CACNA2D3: variants seen among roughly 807,000 people sequenced by gnomAD.
The protein encoded by CACNA2D3 is calcium voltage-gated channel auxiliary subunit alpha2delta 3, also known as voltage-dependent calcium channel subunit alpha-2/delta-3.
Under a neutral mutation model 160.6 loss-of-function variants are expected in CACNA2D3, and 60 were observed. The ratio of observed to expected loss-of-function variants is 0.37; its 90% CI spans 0.30 to 0.46. The LOEUF is 0.46. CACNA2D3 is among the 20% of genes least tolerant of loss of function. The pLI is 1.00. For synonymous variants in CACNA2D3, 558 were observed against 492.9 expected, an observed-to-expected ratio of 1.13 and a Z score of -1.75; for missense variants, 1,205 against 1,365.0, an observed-to-expected ratio of 0.88 and a Z score of 1.85.
At chr3:54,726,520 G>A (rs1701279924) in intron 11 of CACNA2D3, among the ~76,000 whole-genome samples, 1 of 152,144 alleles carries the variant, frequency 6.6e-6, no homozygotes, top group Non-Finnish European at 1.5e-5. Context: ...TATACTACAA[G>A]ACTACAGTAA....
intron 2 of CACNA2D3, among the ~76,000 whole-genome samples, chr3:54,306,292 A>G (rs1703599054): frequency 6.6e-6 from 1 of 152,044 alleles, no homozygotes; most frequent in South Asian, 2.1e-4. Context: ...AGGAGAAAAA[A>G]ATATTGGTAG....
intron 35 of CACNA2D3, among the ~76,000 whole-genome samples, chr3:55,027,540 A>C (rs1559467707): frequency 6.6e-6 from 1 of 152,216 alleles, no homozygotes; most frequent in East Asian, 1.9e-4. Context: ...TTTACATCTA[A>C]TTCGCATACA....
intron 35 of CACNA2D3, among the ~76,000 whole-genome samples, chr3:55,052,354 T>C (rs1402288854): frequency 6.6e-6 from 1 of 152,002 alleles, no homozygotes; most frequent in Non-Finnish European, 1.5e-5. Flanking sequence ...ATCCAAAACA[T>C]GATCTAACTT....
intron 2 of CACNA2D3, among the ~76,000 whole-genome samples, chr3:54,269,487 C>T (rs1227653138): frequency 1.3e-5 from 2 of 152,094 alleles, no homozygotes; most frequent in Non-Finnish European, 2.9e-5. Flanking sequence ...GGATGCAAAG[C>T]TAAACATTGT....
intron 9 of CACNA2D3, among the ~76,000 whole-genome samples, chr3:54,619,321 A>C (rs1427144613): frequency 1.3e-5 from 2 of 152,210 alleles, no homozygotes; most frequent in African/African-American, 2.4e-5. Flanking sequence ...TGCACTGCTT[A>C]GGTGGAGGGG....
At chr3:54,664,756 C>T (rs897243243) in intron 11 of CACNA2D3, among the ~76,000 whole-genome samples, 1 of 152,162 alleles carries the variant, frequency 6.6e-6, no homozygotes, top group African/African-American at 2.4e-5. Context: ...AGCAGGGGGA[C>T]TCAGAGGCTG....
chr3:54,895,076 A>G (rs1700157449), intron 25 of CACNA2D3, among the ~76,000 whole-genome samples: 1 of 152,154 alleles, frequency 6.6e-6, no homozygotes, highest in Non-Finnish European at 1.5e-5. Context: ...CAGCTATGCT[A>G]TGTCAGACCG....
intron 9 of CACNA2D3, among the ~76,000 whole-genome samples, chr3:54,597,558 A>G (rs1425090592): frequency 6.6e-6 from 1 of 152,178 alleles, no homozygotes. Context: ...GGATAAGGAA[A>G]TACTAGATTT....
intron 13 of CACNA2D3, among the ~76,000 whole-genome samples, chr3:54,807,418 A>G (rs1205250802): frequency 2.6e-5 from 4 of 152,258 alleles, no homozygotes; most frequent in Admixed American, 6.5e-5. Flanking sequence ...ACTTCTCAAA[A>G]GAAGGCATTT....
At chr3:54,342,069 A>C (rs1230262445) in intron 3 of CACNA2D3, among the ~76,000 whole-genome samples, 1 of 152,210 alleles carries the variant, frequency 6.6e-6, no homozygotes, top group East Asian at 1.9e-4. Flanking sequence ...TTGCCAAAGA[A>C]TACACAGTTG....
At chr3:54,211,597 G>A (rs911807519) in intron 2 of CACNA2D3, among the ~76,000 whole-genome samples, 1 of 152,078 alleles carries the variant, frequency 6.6e-6, no homozygotes, top group Non-Finnish European at 1.5e-5. Flanking sequence ...TCCTTACTAC[G>A]TGTATTCTTT....
At chr3:54,149,910 TCTCTCTCTCTCTCTCTCTCTCCCTCC>T (rs1559863278) in intron 2 of CACNA2D3, among the ~76,000 whole-genome samples, 5 of 92,506 alleles carry the variant, frequency 5.4e-5, no homozygotes, top group South Asian at 5.0e-4. Flanking sequence ...TCTCTCTCTC[TCTCTCTCTCTCTCTCTCTCTCCCTCC>T]CTCCCTCCCT....
chr3:54,924,212 G>A (rs1700942614), intron 27 of CACNA2D3, among the ~76,000 whole-genome samples: 1 of 152,196 alleles, frequency 6.6e-6, no homozygotes, highest in African/African-American at 2.4e-5. Flanking sequence ...GGTAGAAGCA[G>A]ACAAAGAGAG....
chr3:54,986,174 G>A (rs1241731237), intron 30 of CACNA2D3, among the ~76,000 whole-genome samples: 2 of 152,180 alleles, frequency 1.3e-5, no homozygotes, highest in Admixed American at 1.3e-4. Context: ...GAAGGGTGCA[G>A]TGGATGTCTT....
intron 2 of CACNA2D3, among the ~76,000 whole-genome samples, chr3:54,301,724 G>GCA (rs1481353658): frequency 6.6e-6 from 1 of 152,062 alleles, no homozygotes; most frequent in Non-Finnish European, 1.5e-5. Context: ...AGGCACATGT[G>GCA]CACACATGGG....
intron 3 of CACNA2D3, among the ~76,000 whole-genome samples, chr3:54,341,848 G>A (rs1390234738): frequency 6.6e-6 from 1 of 152,080 alleles, no homozygotes; most frequent in Admixed American, 6.6e-5. Context: ...TGCATGCTGA[G>A]TACTTAGCAT....
At chr3:54,650,222 G>A (rs1437025476) in intron 11 of CACNA2D3, among the ~76,000 whole-genome samples, 3 of 40,440 alleles carry the variant, frequency 7.4e-5, no homozygotes, top group African/African-American at 5.3e-5. Context: ...TGTTTGAGAC[G>A]GAGTCTTGCT....
At chr3:54,830,982 T>C (rs2106745430) in intron 14 of CACNA2D3, among the ~76,000 whole-genome samples, 1 of 152,312 alleles carries the variant, frequency 6.6e-6, no homozygotes, top group African/African-American at 2.4e-5. Flanking sequence ...ACATATAAAA[T>C]ATTTATGTAT....
chr3:54,218,549 T>C (rs941335876), intron 2 of CACNA2D3, among the ~76,000 whole-genome samples: 1 of 152,264 alleles, frequency 6.6e-6, no homozygotes, highest in Non-Finnish European at 1.5e-5. Context: ...TCCTAGATGT[T>C]AGCATATTAA....
Sources: gnomAD v4.1 joint callset for allele counts (sites outside exome capture counted in the v4.1 genomes callset) on GRCh38, gnomAD v4.1.1 for gene constraint, MANE v1.5 for transcripts, NCBI Gene and HGNC (gene_info 2026-07-23, HGNC 2026-07-21) for gene names.